Variants in SMC5 observed in about 807,000 individuals in gnomAD.
SMC5 encodes structural maintenance of chromosomes 5.
SMC5 carries 88 observed loss-of-function variants against 148.3 expected under a neutral mutation model. That is an observed-to-expected ratio of 0.59 (90% confidence interval 0.50 to 0.71). SMC5 has a LOEUF of 0.71. Ranked by LOEUF, SMC5 falls within the 30% of genes least tolerant of loss-of-function variation. The pLI, the probability that SMC5 is intolerant of heterozygous loss-of-function variation, is 0.00. For synonymous variants in SMC5, 421 were observed against 432.8 expected, an observed-to-expected ratio of 0.97 and a Z score of 0.34; for missense variants, 1,142 against 1,298.9, an observed-to-expected ratio of 0.88 and a Z score of 1.86.
intron 8 of SMC5, among the ~76,000 whole-genome samples, chr9:70,297,161 A>G (rs531669512): frequency 1.3e-5 from 2 of 152,352 alleles, no homozygotes; most frequent in South Asian, 2.1e-4. Flanking sequence ...TCCAAACACA[A>G]AATTCATTTA....
At chr9:70,321,416 G>A (rs1009835114) in intron 15 of SMC5, among the ~76,000 whole-genome samples, 4 of 103,968 alleles carry the variant, frequency 3.8e-5, no homozygotes, top group African/African-American at 5.5e-5. Context: ...TTTTTGAGAC[G>A]GGGTCTTGCT....
chr9:70,282,157 A>G (rs1451919773), intron 6 of SMC5, among the ~76,000 whole-genome samples: 1 of 151,896 alleles, frequency 6.6e-6, no homozygotes, highest in African/African-American at 2.4e-5. Context: ...CCATTAAGAT[A>G]TGTTTCAGAT....
chr9:70,266,554 CAT>C (rs1228071530), intron 2 of SMC5, among the ~76,000 whole-genome samples: 4 of 152,208 alleles, frequency 2.6e-5, no homozygotes, highest in Admixed American at 2.6e-4. Flanking sequence ...CTAACTTTCT[CAT>C]GTTGATTTTT....
intron 17 of SMC5, among the ~76,000 whole-genome samples, chr9:70,337,410 T>A (rs2118762865): frequency 6.6e-6 from 1 of 152,014 alleles, no homozygotes; most frequent in South Asian, 2.1e-4. Flanking sequence ...TTCTGATCCA[T>A]TTTATTAGTA....
Position 70,278,639 on chromosome 9 carries a change from A to G in SMC5, c.678+14A>G, listed in dbSNP as rs767857515. ...AAACAGCTCGAGGTACTTTAAATAG[A>G]CAACTCATTTGTATTGTTTCTTATT... On this transcript the variant is annotated intron_variant, in intron 5 of 24. Coordinates refer to ENST00000361138, the MANE Select transcript of SMC5 (RefSeq NM_015110.4). 22 of 1,593,380 alleles carry G rather than the reference A, an allele frequency of 1.4e-5. No homozygotes were observed. Among genetic ancestry groups the G allele is most frequent in the Middle Eastern group, 3.3e-4 (2 of 6,000 alleles).
intron 1 of SMC5, among the ~76,000 whole-genome samples, chr9:70,262,738 T>C (rs976126249): frequency 6.6e-6 from 1 of 152,120 alleles, no homozygotes; most frequent in African/African-American, 2.4e-5. Flanking sequence ...AAAGGAATCA[T>C]TGAGGCCATA....
chr9:70,322,737 G>A (rs550402910), intron 15 of SMC5, among the ~76,000 whole-genome samples: 129 of 152,272 alleles, frequency 8.5e-4, no homozygotes, highest in Non-Finnish European at 1.5e-3. Flanking sequence ...TCGGGAGGCT[G>A]AGGCAGGAGA....
chr9:70,338,552 TCTG>T (rs1380014641), intron 17 of SMC5, among the ~76,000 whole-genome samples: 1 of 152,218 alleles, frequency 6.6e-6, no homozygotes, highest in African/African-American at 2.4e-5. Flanking sequence ...ATTTTTATAT[TCTG>T]CTGCAGAAAT....
chr9:70,340,940 G>T (rs2036505386), intron 17 of SMC5, among the ~76,000 whole-genome samples: 1 of 152,070 alleles, frequency 6.6e-6, no homozygotes, highest in Non-Finnish European at 1.5e-5. Context: ...TGAGATGTTA[G>T]TGGGGGATAT....
intron 17 of SMC5, among the ~76,000 whole-genome samples, chr9:70,335,591 G>T (rs1180585377): frequency 6.6e-6 from 1 of 152,182 alleles, no homozygotes; most frequent in Non-Finnish European, 1.5e-5. Flanking sequence ...AATAAGAAAT[G>T]AATTACTGAT....
At chr9:70,316,576 A>AGTCT (rs2035808836) in intron 13 of SMC5, among the ~76,000 whole-genome samples, 1 of 152,234 alleles carries the variant, frequency 6.6e-6, no homozygotes, top group East Asian at 1.9e-4. Context: ...AAAAGAGGAC[A>AGTCT]AGACCATATG....
chr9:70,282,647 G>T (rs944156939), intron 7 of SMC5, 64 bp downstream of exon 7: 2 of 1,455,052 alleles, frequency 1.4e-6, no homozygotes, highest in East Asian at 2.5e-5. Flanking sequence ...AAAATATTTT[G>T]CAGGTGTTTG....
At chr9:70,330,305 C>T (rs887948283) in intron 17 of SMC5, among the ~76,000 whole-genome samples, 1 of 152,112 alleles carries the variant, frequency 6.6e-6, no homozygotes, top group Non-Finnish European at 1.5e-5. Flanking sequence ...ACATACTTCA[C>T]CCCAGTTGTT....
intron 20 of SMC5, 34 bp downstream of exon 20, chr9:70,347,195 AACC>A (rs769298035): frequency 1.0e-4 from 157 of 1,556,920 alleles, no homozygotes; most frequent in Non-Finnish European, 1.2e-4. Context: ...TTCTGCATCC[AACC>A]ACCACCACCA....
intron 3 of SMC5, among the ~76,000 whole-genome samples, chr9:70,269,884 A>AT (rs2034396463): frequency 6.6e-6 from 1 of 152,252 alleles, no homozygotes; most frequent in Non-Finnish European, 1.5e-5. Context: ...ATGAGAACTT[A>AT]TTATAAAAGT....
intron 7 of SMC5, among the ~76,000 whole-genome samples, chr9:70,283,981 T>C (rs2034829569): frequency 6.6e-6 from 1 of 152,230 alleles, no homozygotes; most frequent in South Asian, 2.1e-4. Context: ...GATTTCTAGA[T>C]GTGATTGTAC....
chr9:70,323,753 T>A, intron 16 of SMC5, 147 bp downstream of exon 16: 4 of 967,326 alleles, frequency 4.1e-6, no homozygotes, highest in Non-Finnish European at 6.0e-6. Flanking sequence ...CAGTTTCAGC[T>A]TGCTTAGTTG....
At chr9:70,268,640 G>C (rs2118015957) in intron 3 of SMC5, among the ~76,000 whole-genome samples, 1 of 148,224 alleles carries the variant, frequency 6.7e-6, no homozygotes, top group Admixed American at 6.7e-5. Context: ...AGTAATACTT[G>C]CTTGTCTTTA....
rs749815955 is a variant in SMC5, at chr9:70,347,997, A to C, written c.2848A>C (p.Met950Leu). The C allele has an allele frequency of 6.2e-7, 1 of 1,607,168 alleles. No individual in the cohort carries two copies. The highest frequency in any genetic ancestry group is 8.5e-7 in the Non-Finnish European group (1 of 1,177,860). Residue 950 changes from methionine to leucine, a missense_variant, in exon 22 of 25, where the codon ATG becomes CTG. Transcript: ENST00000361138. ...NEKFSNFFSS[M>L]QCAGEVDLHT... ...AAAATTCAGCAATTTTTTTAGTTCCATGCAGTGTGCTGGTGAAGTTGATCT... is the reference window on the plus strand; with the variant it reads ...AAAATTCAGCAATTTTTTTAGTTCCCTGCAGTGTGCTGGTGAAGTTGATCT...
Sources: gnomAD v4.1 joint callset for allele counts (sites outside exome capture counted in the v4.1 genomes callset) on GRCh38, gnomAD v4.1.1 for gene constraint, MANE v1.5 for transcripts, NCBI Gene and HGNC (gene_info 2026-07-23, HGNC 2026-07-21) for gene names.